Variants in CHML observed in about 807,000 individuals in gnomAD.
The protein encoded by CHML is CHM like Rab escort protein.
A neutral mutation model predicts 30.4 loss-of-function variants in CHML; 20 were observed. That is an observed-to-expected ratio of 0.66 (90% CI 0.46 to 0.95). The LOEUF (loss-of-function observed/expected upper bound fraction) is 0.95. Ranked by LOEUF, CHML falls within the 40% of genes least tolerant of loss-of-function variation. The probability of loss-of-function intolerance (pLI) is 0.00; values close to 1 mark genes in which losing one functional copy is unlikely to be tolerated. For missense variants in CHML, 795 were observed against 768.5 expected, an observed-to-expected ratio of 1.03 and a Z score of -0.41; for synonymous variants, 281 against 275.0, an observed-to-expected ratio of 1.02 and a Z score of -0.22.
intron 1 of CHML, among the ~76,000 whole-genome samples, chr1:241,636,701 T>C (rs532989139): frequency 6.6e-6 from 1 of 152,308 alleles, no homozygotes; most frequent in Non-Finnish European, 1.5e-5. Context: ...ATTAAAAATA[T>C]TATATGAATG....
chr1:241,640,008 T>A lies in CHML; in HGVS notation c.-434A>T, dbSNP rs772054273. The A allele has an allele frequency of 1.2e-6, 2 of 1,613,186 alleles. No homozygotes were observed. The highest frequency in any genetic ancestry group is 2.7e-5 in the African/African-American group (2 of 74,792). On this transcript the variant is annotated 5_prime_UTR_variant, in exon 1 of 2. Coordinates refer to ENST00000366553, the MANE Select transcript of CHML (RefSeq NM_001381853.1). ...GACACCAGCAGGTCGCTGAGGCTGA[T>A]GTTGACCAGGAGGAGGTGAGTGGGA...
chr1:241,635,888 T>C lies in CHML; in HGVS notation c.-122A>G. 1.0e-6 allele frequency: 1 copy of C among 981,798 alleles called. No individual in the cohort carries two copies. Among genetic ancestry groups the C allele is most frequent in the Non-Finnish European group, 1.5e-6 (1 of 663,154 alleles). The allele number at this position is 981,798 out of a possible 1,614,324, so 60.8% of individuals were successfully genotyped here. On this transcript the variant is annotated 5_prime_UTR_variant, in exon 2 of 2. Coordinates refer to ENST00000366553, the MANE Select transcript of CHML (RefSeq NM_001381853.1). ...CCAGAAGCACTGAAGTTGCAGGTCC[T>C]AGCTGTTTAACGGTTACCCTTTTAA...
In CHML at chr1:241,629,142, C is replaced by T. The variant is rs1664517120; in HGVS notation, c.*4654G>A. Reference sequence around the variant, plus strand: ...ACACCAAAATTTACTTAACCATTTCCAATCGTTGGGCTTTTTTCCCCCTTA... The same window carrying T: ...ACACCAAAATTTACTTAACCATTTCTAATCGTTGGGCTTTTTTCCCCCTTA... On this transcript the variant is annotated 3_prime_UTR_variant, in exon 2 of 2. Transcript: ENST00000366553. 1 of 152,472 alleles carries T rather than the reference C, an allele frequency of 6.6e-6. No homozygotes were observed. The highest frequency in any genetic ancestry group is 2.4e-5 in the African/African-American group (1 of 41,436). 9.4% of individuals were successfully genotyped at this position (152,472 alleles called of 1,614,324 possible).
In CHML at chr1:241,634,690, T is replaced by C. The variant is rs1296629861; in HGVS notation, c.1077A>G (p.Ala359=). ...CGAGACACTGAAGGAAGTTTTTAGT[T>C]GCGTTAAGACCATCTATTGTAGTGC... ...SSCTTIDGLN[A]TKNFLQCLGR... is the part of the protein sequence containing the mutation. Residue 359 remains alanine, a synonymous_variant, in exon 2 of 2, where the codon GCA becomes GCG. Coordinates refer to ENST00000366553, the MANE Select transcript of CHML (RefSeq NM_001381853.1). 1.2e-6 allele frequency: 2 copies of C among 1,614,004 alleles called. No homozygotes were observed. The highest frequency in any genetic ancestry group is 1.7e-6 in the Non-Finnish European group (2 of 1,179,898).
chr1:241,639,990 G>C lies in CHML; in HGVS notation c.-416C>G. ...AAGGTGACCCCGAAGAGGGACACCA[G>C]CAGGTCGCTGAGGCTGATGTTGACC... On this transcript the variant is annotated 5_prime_UTR_variant, in exon 1 of 2. Transcript: ENST00000366553. The C allele has an allele frequency of 6.2e-7, 1 of 1,612,870 alleles. No homozygotes were observed. Among genetic ancestry groups the C allele is most frequent in the Non-Finnish European group, 8.5e-7 (1 of 1,179,512 alleles).
chr1:241,634,743 A>AGT lies in CHML; in HGVS notation c.1022_1023dup (p.Ser342ThrfsTer5), dbSNP rs1664808694. The AGT allele has an allele frequency of 6.2e-7, 1 of 1,614,000 alleles. No individual in the cohort carries two copies. The highest frequency in any genetic ancestry group is 1.1e-5 in the South Asian group (1 of 91,078). On this transcript the variant is annotated frameshift_variant, in exon 2 of 2. Coordinates refer to ENST00000366553, the MANE Select transcript of CHML (RefSeq NM_001381853.1). LOFTEE classifies it high-confidence loss of function. ...GATGATTCTGATGTCATTGCAATTG[A>AGT]GTGCAGTACAAAATGTTGAAGGTTG...
Position 241,634,390 on chromosome 1 carries a change from G to A in CHML, c.1377C>T (p.Leu459=). The change falls in exon 2 of 2, where the codon CTC becomes CTT. Residue 459 remains leucine, a synonymous_variant. Coordinates refer to ENST00000366553, the MANE Select transcript of CHML (RefSeq NM_001381853.1). ...TCTTTAGTATAGACTGATCTGTAAT[G>A]AGTACTGCCCTAGAGATCTGCTTAT... ...VQYKQISRAV[L]ITDQSILKTD... is the part of the protein sequence containing the mutation. 2 of 1,613,896 alleles carry A rather than the reference G, an allele frequency of 1.2e-6. No homozygotes were observed. The highest frequency in any genetic ancestry group is 1.7e-6 in the Non-Finnish European group (2 of 1,179,910).
At chr1:241,639,149 A>C (rs1297554849) in intron 1 of CHML, 1 of 152,238 alleles carries the variant, frequency 6.6e-6, no homozygotes, top group Non-Finnish European at 1.5e-5. Flanking sequence ...AATGAAATCT[A>C]CCGATTGCAG....
At position 241,634,609 on chromosome 1, in the gene CHML, G is replaced by A; in HGVS notation, c.1158C>T (p.Pro386=). ...CTGCACACATCCTACAGAAACCCTG[G>A]GGAATTTCTCCTTGGCCATACAAGG... The part of the protein sequence containing the change: ...LFPLYGQGEI[P]QGFCRMCAVF... Residue 386 remains proline (P), a synonymous_variant, in exon 2 of 2, where the codon CCC becomes CCT. Transcript: ENST00000366553. 1 of 1,613,776 alleles carries A rather than the reference G, an allele frequency of 6.2e-7. No homozygotes were observed. Among genetic ancestry groups the A allele is most frequent in the African/African-American group, 1.3e-5 (1 of 74,976 alleles).
In CHML at chr1:241,635,175, T is replaced by C. The variant is rs779237927; in HGVS notation, c.592A>G (p.Lys198Glu). The change falls in exon 2 of 2, where the codon AAA (lysine) becomes GAA (glutamate). Residue 198 changes from lysine (K) to glutamate (E), a missense_variant. Lys to Glu is a moderately conservative substitution (Grantham distance 56). Coordinates refer to ENST00000366553, the MANE Select transcript of CHML (RefSeq NM_001381853.1). Reference sequence around the variant, plus strand: ...TCTACTGTAGATTTGCTTTCATCTTTATCTCCATCTTTATCTGAAACTGTG... The same window carrying C: ...TCTACTGTAGATTTGCTTTCATCTTCATCTCCATCTTTATCTGAAACTGTG... The part of the protein sequence containing the change: ...MHTVSDKDGD[K>E]DESKSTVEDK... The C allele has an allele frequency of 1.9e-6, 3 of 1,613,056 alleles. No individual in the cohort carries two copies. The highest frequency in any genetic ancestry group is 2.5e-6 in the Non-Finnish European group (3 of 1,179,912).
Position 241,629,551 on chromosome 1 carries a change from T to A in CHML, c.*4245A>T, listed in dbSNP as rs965571223. On this transcript the variant is annotated 3_prime_UTR_variant, in exon 2 of 2. Transcript: ENST00000366553. ...AAAAACTGAGTGCATCCATGTGTAA[T>A]GCAAATAGCTTCTTTTAAATTCCAT... is the stretch of plus-strand genomic sequence containing the variant. The A allele has an allele frequency of 6.6e-6, 1 of 152,130 alleles. No individual in the cohort carries two copies. Among genetic ancestry groups the A allele is most frequent in the African/African-American group, 2.4e-5 (1 of 41,428 alleles). The allele number at this position is 152,130 out of a possible 1,614,324, so 9.4% of individuals were successfully genotyped here.
In CHML at chr1:241,635,197, T is replaced by G. The variant is rs531463861; in HGVS notation, c.570A>C (p.Thr190=). 2 of 1,613,278 alleles carry G rather than the reference T, an allele frequency of 1.2e-6. No homozygotes were observed. The highest frequency in any genetic ancestry group is 2.7e-5 in the African/African-American group (2 of 75,060). ...CTTTATCTCCATCTTTATCTGAAAC[T>G]GTGTGCATACAAGTTTTATCTCCAC... ...KYCGDKTCMH[T]VSDKDGDKDE... The change falls in exon 2 of 2, where the codon ACA becomes ACC. Residue 190 remains threonine (T), a synonymous_variant. Coordinates refer to ENST00000366553, the MANE Select transcript of CHML (RefSeq NM_001381853.1).
Position 241,634,451 on chromosome 1 carries a change from CTG to C in CHML, c.1314_1315del (p.Asp438GlufsTer5). ...TGAGCATGTTTCCTCAGAAAGGTAA[CTG>C]TCTTCCACAATAAAATATTTAGCAT... On this transcript the variant is annotated frameshift_variant, in exon 2 of 2. Transcript: ENST00000366553. LOFTEE classifies it high-confidence loss of function. The C allele has an allele frequency of 6.2e-7, 1 of 1,613,670 alleles. No individual in the cohort carries two copies.
chr1:241,636,053 AT>A lies in CHML; in HGVS notation c.-288del, dbSNP rs541455805. On this transcript the variant is annotated 5_prime_UTR_variant, in exon 2 of 2. The change creates a new upstream start codon in the 5' untranslated region. Transcript: ENST00000366553. Reference sequence around the variant, plus strand: ...AAATGTCAAAATGCATCATATATGCATTTGTGACTGGAACTCTTCTCTGAAA... The same window carrying A: ...AAATGTCAAAATGCATCATATATGCATTGTGACTGGAACTCTTCTCTGAAA... 175 of 458,764 alleles carry A rather than the reference AT, an allele frequency of 3.8e-4. 1 individual carries two copies. In the East Asian group the frequency reaches 5.4e-3, roughly 14 times the overall value. The allele number at this position is 458,764 out of a possible 1,614,324, so 28.4% of individuals were successfully genotyped here.
rs930601452 is a variant in CHML at position 241,630,122 on chromosome 1, C to A, written c.*3674G>T. 16 of 152,018 alleles carry A rather than the reference C, an allele frequency of 1.1e-4. No individual in the cohort carries two copies. Among genetic ancestry groups the A allele is most frequent in the African/African-American group, 3.4e-4 (14 of 41,412 alleles). 9.4% of individuals were successfully genotyped at this position (152,018 alleles called of 1,614,324 possible). A position where few individuals can be genotyped will look rare whatever the true frequency, so the allele number is the denominator to read the frequency against. ...ATCTAACTTAATCCCCACAATAATT[C>A]TGTGAAGTATTTCTCTTCTGTAGAT... On this transcript the variant is annotated 3_prime_UTR_variant, in exon 2 of 2. Coordinates refer to ENST00000366553, the MANE Select transcript of CHML (RefSeq NM_001381853.1).
intron 1 of CHML, among the ~76,000 whole-genome samples, chr1:241,638,223 A>G (rs929399611): frequency 6.6e-6 from 1 of 152,172 alleles, no homozygotes; most frequent in Non-Finnish European, 1.5e-5. Context: ...ATCTAAGTGA[A>G]CTTAGAAAAT....
rs527942879 is a variant in CHML at position 241,633,502 on chromosome 1, T to C, written c.*294A>G. 2 of 301,202 alleles carry C rather than the reference T, an allele frequency of 6.6e-6. No individual in the cohort carries two copies. The highest frequency in any genetic ancestry group is 1.6e-4 in the East Asian group (2 of 12,892). 18.7% of individuals were successfully genotyped at this position (301,202 alleles called of 1,614,324 possible). ...GCAAATACATTACCTTTAAGCTGAG[T>C]TGCTAATATGGAACCCTTACATATA... is the stretch of plus-strand genomic sequence containing the variant. On this transcript the variant is annotated 3_prime_UTR_variant, in exon 2 of 2. Coordinates refer to ENST00000366553, the MANE Select transcript of CHML (RefSeq NM_001381853.1).
At chr1:241,638,911 AG>A (rs1665004528) in intron 1 of CHML, among the ~76,000 whole-genome samples, 1 of 152,242 alleles carries the variant, frequency 6.6e-6, no homozygotes, top group Non-Finnish European at 1.5e-5. Flanking sequence ...AATGGATTTC[AG>A]GATTTAAAAA....
At chr1:241,639,030 A>G (rs1665009708) in intron 1 of CHML, among the ~76,000 whole-genome samples, 1 of 152,230 alleles carries the variant, frequency 6.6e-6, no homozygotes, top group African/African-American at 2.4e-5. Context: ...TCCTTCAATG[A>G]TTTGCTGAGT....
Sources: gnomAD v4.1 joint callset for allele counts (sites outside exome capture counted in the v4.1 genomes callset) on GRCh38, gnomAD v4.1.1 for gene constraint, MANE v1.5 for transcripts, NCBI Gene and HGNC (gene_info 2026-07-23, HGNC 2026-07-21) for gene names.